ZFPM2: variants seen among roughly 807,000 people sequenced by gnomAD.
ZFPM2 encodes the protein zinc finger protein, FOG family member 2.
A neutral mutation model predicts 98.6 loss-of-function variants in ZFPM2; 20 were observed. The ratio of observed to expected loss-of-function variants is 0.20; its 90% CI spans 0.14 to 0.29. ZFPM2 has a LOEUF of 0.29. ZFPM2 is among the 10% of genes least tolerant of loss of function. The pLI, the probability that ZFPM2 is intolerant of heterozygous loss-of-function variation, is 1.00. For synonymous variants in ZFPM2, 518 were observed against 502.7 expected (o/e 1.03, Z -0.41); for missense variants, 1,310 against 1,388.6 (o/e 0.94, Z 0.90).
At chr8:105,437,201 T>C (rs777550128) in intron 2 of ZFPM2, among the ~76,000 whole-genome samples, 1 of 152,182 alleles carries the variant, frequency 6.6e-6, no homozygotes, top group Non-Finnish European at 1.5e-5. Context: ...CAAAATGTAA[T>C]TTATTTTGAG....
chr8:105,702,185 G>A (rs1759606498), intron 5 of ZFPM2, among the ~76,000 whole-genome samples: 1 of 152,128 alleles, frequency 6.6e-6, no homozygotes, highest in Non-Finnish European at 1.5e-5. Context: ...TCTTTGTTTT[G>A]TTTTGTTTTT....
At chr8:105,555,964 A>G (rs1814979774) in intron 3 of ZFPM2, among the ~76,000 whole-genome samples, 1 of 152,148 alleles carries the variant, frequency 6.6e-6, no homozygotes, top group Non-Finnish European at 1.5e-5. Context: ...CATTTGGGAG[A>G]GCAGTAGAAC....
intron 5 of ZFPM2, among the ~76,000 whole-genome samples, chr8:105,702,878 T>A (rs1022792322): frequency 6.6e-6 from 1 of 152,036 alleles, no homozygotes; most frequent in Non-Finnish European, 1.5e-5. Context: ...GAGCCAAGAG[T>A]CACAAATGTT....
chr8:105,712,235 T>A (rs539454384), intron 5 of ZFPM2, among the ~76,000 whole-genome samples: 2 of 152,166 alleles, frequency 1.3e-5, no homozygotes, highest in East Asian at 3.9e-4. Flanking sequence ...AATGTATTCA[T>A]TGATTCTACA....
At chr8:105,672,647 T>G (rs1817617694) in intron 5 of ZFPM2, among the ~76,000 whole-genome samples, 1 of 152,198 alleles carries the variant, frequency 6.6e-6, no homozygotes, top group African/African-American at 2.4e-5. Context: ...TGTTGTTGTT[T>G]CCTGCCTTAT....
chr8:105,647,004 C>T (rs1817061109), intron 5 of ZFPM2, among the ~76,000 whole-genome samples: 3 of 152,136 alleles, frequency 2.0e-5, no homozygotes, highest in Admixed American at 2.0e-4. Flanking sequence ...TGGAGGGAAA[C>T]AGCTTCGTCC....
At chr8:105,675,452 G>A (rs1473677202) in intron 5 of ZFPM2, among the ~76,000 whole-genome samples, 4 of 152,198 alleles carry the variant, frequency 2.6e-5, no homozygotes, top group Non-Finnish European at 5.9e-5. Context: ...TCACTCCTGA[G>A]CAAAGAAGAG....
In ZFPM2 at chr8:105,803,541, T is replaced by C; in HGVS notation, c.*3T>C. 6.2e-7 allele frequency: 1 copy of C among 1,601,422 alleles called. No individual in the cohort carries two copies. Among genetic ancestry groups the C allele is most frequent in the South Asian group, 1.1e-5 (1 of 89,094 alleles). On this transcript the variant is annotated 3_prime_UTR_variant, in exon 8 of 8. Coordinates refer to ENST00000407775, the MANE Select transcript of ZFPM2 (RefSeq NM_012082.4). ...ATGCAGCAGAACATGTCAAATGAAC[T>C]AACTAAACATCAGTCACCTTTGGTA...
chr8:105,698,763 A>G (rs1236935194), intron 5 of ZFPM2, among the ~76,000 whole-genome samples: 1 of 152,218 alleles, frequency 6.6e-6, no homozygotes, highest in Admixed American at 6.5e-5. Context: ...TTAAAATAAT[A>G]AAAATTATAT....
intron 6 of ZFPM2, among the ~76,000 whole-genome samples, chr8:105,796,616 C>T (rs1009397697): frequency 5.9e-5 from 9 of 152,152 alleles, no homozygotes; most frequent in Admixed American, 4.6e-4. Context: ...CTCCTTATCG[C>T]CTTTAATGTT....
In ZFPM2 at chr8:105,780,166, G is replaced by A. The variant is rs879272531; in HGVS notation, c.533-8552G>A. 9 of 152,316 alleles carry A rather than the reference G, an allele frequency of 5.9e-5. No homozygotes were observed. The East Asian group carries it at 1.5e-3, about 26-fold the overall frequency. 9.4% of individuals were successfully genotyped at this position (152,316 alleles called of 1,614,324 possible). On this transcript the variant is annotated intron_variant, in intron 5 of 7. Coordinates refer to ENST00000407775, the MANE Select transcript of ZFPM2 (RefSeq NM_012082.4). Reference sequence around the variant, plus strand: ...TGGTATTGTGAGTATGAAGACTGAGGAGAGTGACTATGTTTGCAGCATAAG... The same window carrying A: ...TGGTATTGTGAGTATGAAGACTGAGAAGAGTGACTATGTTTGCAGCATAAG...
chr8:105,381,340 G>GT (rs945799879), intron 1 of ZFPM2, among the ~76,000 whole-genome samples: 9 of 151,896 alleles, frequency 5.9e-5, no homozygotes, highest in African/African-American at 1.9e-4. Flanking sequence ...TCTTTTTCCA[G>GT]TTTTTTTGAT....
intron 2 of ZFPM2, among the ~76,000 whole-genome samples, chr8:105,421,807 C>G (rs1016970442): frequency 5.3e-5 from 8 of 152,122 alleles, no homozygotes; most frequent in African/African-American, 1.4e-4. Context: ...AATCCTAGCA[C>G]TTTGGGAGGC....
chr8:105,722,836 G>A (rs1219823743), intron 5 of ZFPM2, among the ~76,000 whole-genome samples: 6 of 151,704 alleles, frequency 4.0e-5, no homozygotes, highest in South Asian at 2.1e-4. Flanking sequence ...CTGTAATTTC[G>A]GTCTGACTCT....
chr8:105,385,387 G>A (rs769965638), intron 1 of ZFPM2, among the ~76,000 whole-genome samples: 21 of 152,244 alleles, frequency 1.4e-4, no homozygotes, highest in Middle Eastern at 3.4e-3. Flanking sequence ...TTTGTATTTT[G>A]TAGAAAAATC....
chr8:105,327,715 G>C (rs1812139865), intron 1 of ZFPM2, among the ~76,000 whole-genome samples: 2 of 151,694 alleles, frequency 1.3e-5, no homozygotes, highest in African/African-American at 4.8e-5. Context: ...TGGCTTTAAA[G>C]CTTAACACAC....
chr8:105,420,784 G>T (rs891592542), intron 2 of ZFPM2, among the ~76,000 whole-genome samples: 2 of 151,966 alleles, frequency 1.3e-5, no homozygotes, highest in Non-Finnish European at 2.9e-5. Flanking sequence ...ACATCCTTTT[G>T]TGCATTGTAG....
chr8:105,743,981 G>T (rs1427833843), intron 5 of ZFPM2, among the ~76,000 whole-genome samples: 2 of 152,022 alleles, frequency 1.3e-5, no homozygotes, highest in African/African-American at 4.8e-5. Flanking sequence ...GAAAGTGCCT[G>T]TGTACTTTTG....
intron 3 of ZFPM2, among the ~76,000 whole-genome samples, chr8:105,497,235 T>C (rs1813488864): frequency 6.6e-6 from 1 of 152,062 alleles, no homozygotes; most frequent in South Asian, 2.1e-4. Context: ...TCCACCCACC[T>C]TGGCCTCCCA....
Sources: gnomAD v4.1 joint callset for allele counts (sites outside exome capture counted in the v4.1 genomes callset) on GRCh38, gnomAD v4.1.1 for gene constraint, MANE v1.5 for transcripts, NCBI Gene and HGNC (gene_info 2026-07-23, HGNC 2026-07-21) for gene names.